The following PLXNA2 variants were observed in gnomAD, a reference collection of about 807,000 sequenced individuals.
PLXNA2 encodes plexin-A2.
A neutral mutation model predicts 193.5 loss-of-function variants in PLXNA2; 91 were observed. That is an observed-to-expected ratio of 0.47 (90% CI 0.40 to 0.56). The LOEUF (loss-of-function observed/expected upper bound fraction) is 0.56. Among genes scored for constraint, PLXNA2 ranks in the 20% least tolerant of loss-of-function variants. The pLI is 0.00. For missense variants in PLXNA2, 1,995 were observed against 2,503.2 expected, an observed-to-expected ratio of 0.80 and a Z score of 4.33; for synonymous variants, 997 against 1,027.3, an observed-to-expected ratio of 0.97 and a Z score of 0.56.
chr1:208,081,224 T>C (rs1666329061), intron 11 of PLXNA2, among the ~76,000 whole-genome samples: 1 of 151,966 alleles, frequency 6.6e-6, no homozygotes, highest in African/African-American at 2.4e-5. Flanking sequence ...TGAGGAGAAA[T>C]AGAAAAAAAT....
At chr1:208,142,154 C>A (rs112124629) in intron 4 of PLXNA2, among the ~76,000 whole-genome samples, 175 bp downstream of exon 4, 2 of 152,218 alleles carry the variant, frequency 1.3e-5, no homozygotes, top group Non-Finnish European at 2.9e-5. Flanking sequence ...GGCTGGCCCC[C>A]GGCTGCTTCT....
At chr1:208,211,692 CA>C (rs10561845) in intron 2 of PLXNA2, among the ~76,000 whole-genome samples, 62,458 of 116,282 alleles carry the variant, frequency 0.54, 14,755 homozygotes, top group Middle Eastern at 0.59. Context: ...GACTCCGTCT[CA>C]AAAAAAAAAA....
At chr1:208,208,790 T>G (rs1163331479) in intron 3 of PLXNA2, among the ~76,000 whole-genome samples, 1 of 152,138 alleles carries the variant, frequency 6.6e-6, no homozygotes, top group Non-Finnish European at 1.5e-5. Flanking sequence ...TACCACAGGG[T>G]ACATGATGTG....
intron 4 of PLXNA2, among the ~76,000 whole-genome samples, chr1:208,134,442 A>G (rs1449651737): frequency 1.3e-5 from 2 of 152,162 alleles, no homozygotes; most frequent in African/African-American, 4.8e-5. Flanking sequence ...GTGAGTGCTC[A>G]GCTCCTGGGC....
chr1:208,235,092 T>C (rs929748111), intron 1 of PLXNA2, among the ~76,000 whole-genome samples: 2 of 152,178 alleles, frequency 1.3e-5, no homozygotes, highest in South Asian at 2.1e-4. Context: ...GTGTCATTCA[T>C]GTACACTCTC....
intron 17 of PLXNA2, among the ~76,000 whole-genome samples, chr1:208,048,159 G>A (rs1169976575): frequency 1.3e-5 from 2 of 152,136 alleles, no homozygotes; most frequent in Non-Finnish European, 1.5e-5. Flanking sequence ...CCAAGCAAGA[G>A]GCCTCTGGAC....
chr1:208,137,962 AAC>A (rs985339232), intron 4 of PLXNA2, among the ~76,000 whole-genome samples: 2 of 152,054 alleles, frequency 1.3e-5, no homozygotes, highest in African/African-American at 4.8e-5. Context: ...TGGGTGGGGG[AAC>A]AGAGAGGCAA....
chr1:208,163,538 C>T (rs1307953509), intron 3 of PLXNA2, among the ~76,000 whole-genome samples: 11 of 151,956 alleles, frequency 7.2e-5, no homozygotes, highest in Admixed American at 5.9e-4. Flanking sequence ...GGATGGGTGG[C>T]CCCAAGGGGC....
At chr1:208,190,427 T>TA (rs1267013220) in intron 3 of PLXNA2, among the ~76,000 whole-genome samples, 1 of 152,222 alleles carries the variant, frequency 6.6e-6, no homozygotes, top group Admixed American at 6.5e-5. Flanking sequence ...TCAAAAAATA[T>TA]AGTACCTATG....
chr1:208,236,176 C>G lies in PLXNA2; in HGVS notation c.-81+7467G>C, dbSNP rs2102646045. On this transcript the variant is annotated intron_variant, in intron 1 of 31. Transcript: ENST00000367033. The surrounding 1 kb of genome is among the most constrained non-coding windows in gnomAD (Gnocchi z 4.4). ...TGGACGGGGAAGGAGCCTGGGTCTT[C>G]CTGTCTGGCTTGGGCTGGGCTCCCG... Among the ~76,000 whole-genome samples, 1 of 152,212 alleles carries G rather than the reference C, an allele frequency of 6.6e-6. No homozygotes were observed. Among genetic ancestry groups the G allele is most frequent in the Admixed American group, 6.5e-5 (1 of 15,298 alleles).
chr1:208,124,679 CAAAAAAAAAAAA>C (rs34909092), intron 4 of PLXNA2, among the ~76,000 whole-genome samples: 38 of 68,610 alleles, frequency 5.5e-4, no homozygotes, highest in Middle Eastern at 7.7e-3. Flanking sequence ...AACTCCGTCT[CAAAAAAAAAAAA>C]AAAAAAAAAA....
intron 17 of PLXNA2, among the ~76,000 whole-genome samples, chr1:208,050,742 T>A (rs1288418549): frequency 6.6e-6 from 1 of 151,836 alleles, no homozygotes; most frequent in Non-Finnish European, 1.5e-5. Flanking sequence ...GGCGGGAGGA[T>A]CTCTTGAGCC....
At chr1:208,040,352 T>C in intron 22 of PLXNA2, 1 of 411,972 alleles carries the variant, frequency 2.4e-6, no homozygotes, top group Non-Finnish European at 4.4e-6. Flanking sequence ...GGTCTGTGGA[T>C]AAAGGCACCT....
At position 208,060,891 on chromosome 1, in the gene PLXNA2, G is replaced by A. The variant is rs78509275; in HGVS notation, c.2587-54C>T. On this transcript the variant is annotated intron_variant, in intron 12 of 31. Coordinates refer to ENST00000367033, the MANE Select transcript of PLXNA2 (RefSeq NM_025179.4). The stretch of plus-strand genomic sequence containing the variant: ...TGGTTTGGTCACAGGAACAGAAACA[G>A]CAGCACCCTTCCCCCTCCCCCAGGG... 7.0e-3 allele frequency: 10,917 copies of A among 1,555,642 alleles called. 276 individuals are homozygous for A. The highest frequency in any genetic ancestry group is 0.058 in the Admixed American group (3,376 of 58,664).
chr1:208,053,263 G>A (rs935055305), intron 14 of PLXNA2, among the ~76,000 whole-genome samples: 2 of 152,208 alleles, frequency 1.3e-5, no homozygotes, highest in African/African-American at 4.8e-5. Context: ...GGCAAGTTCT[G>A]AGATCATTCT....
At chr1:208,239,619 C>T (rs1447173749) in intron 1 of PLXNA2, among the ~76,000 whole-genome samples, 1 of 152,184 alleles carries the variant, frequency 6.6e-6, no homozygotes, top group Non-Finnish European at 1.5e-5. Context: ...ACCCACAAGC[C>T]AGATCCACAG....
At chr1:208,183,665 C>T (rs1404089791) in intron 3 of PLXNA2, among the ~76,000 whole-genome samples, 1 of 152,116 alleles carries the variant, frequency 6.6e-6, no homozygotes, top group African/African-American at 2.4e-5. Context: ...TTATCTACCC[C>T]TCAGTTTCTT....
At chr1:208,140,496 C>T (rs991233163) in intron 4 of PLXNA2, among the ~76,000 whole-genome samples, 3 of 152,180 alleles carry the variant, frequency 2.0e-5, no homozygotes, top group African/African-American at 7.2e-5. Flanking sequence ...ACACACAGTG[C>T]CTCTTGAAAA....
chr1:208,146,081 G>A (rs1443798871), intron 3 of PLXNA2, among the ~76,000 whole-genome samples: 3 of 152,126 alleles, frequency 2.0e-5, no homozygotes, highest in Non-Finnish European at 4.4e-5. Context: ...AAAAAGGTGG[G>A]GCAGGGGCTG....
Sources: allele counts gnomAD v4.1 joint callset (sites outside exome capture counted in the v4.1 genomes callset), GRCh38; gene constraint gnomAD v4.1.1; non-coding constraint Gnocchi (gnomAD v3.1); transcripts MANE v1.5; gene names NCBI Gene and HGNC (gene_info 2026-07-23, HGNC 2026-07-21).